The following CD200R1 variants were observed in gnomAD, a reference collection of about 807,000 sequenced individuals.
The protein encoded by CD200R1 is cell surface glycoprotein CD200 receptor 1.
Under a neutral mutation model 38.1 loss-of-function variants are expected in CD200R1, and 30 were observed. The ratio of observed to expected loss-of-function variants is 0.79; its 90% CI spans 0.59 to 1.07. CD200R1 has a LOEUF of 1.07. Among genes scored for constraint, CD200R1 ranks in the 50% least tolerant of loss-of-function variants. The probability of loss-of-function intolerance (pLI) is 0.00; values close to 1 mark genes in which losing one functional copy is unlikely to be tolerated. For synonymous variants in CD200R1, 128 were observed against 152.1 expected (o/e 0.84, Z 1.16); for missense variants, 372 against 415.4 (o/e 0.90, Z 0.91).
intron 2 of CD200R1, among the ~76,000 whole-genome samples, chr3:112,931,865 A>G (rs1940450228): frequency 6.6e-6 from 1 of 152,108 alleles, no homozygotes; most frequent in Non-Finnish European, 1.5e-5. Context: ...TCAGAAGCTC[A>G]GGAGGGAAGC....
intron 1 of CD200R1, among the ~76,000 whole-genome samples, chr3:112,965,977 C>G (rs1933151082): frequency 6.6e-6 from 1 of 152,106 alleles, no homozygotes. Context: ...ATTACAGACA[C>G]AAGAAACATT....
chr3:112,958,450 A>G (rs1296083805), intron 1 of CD200R1, among the ~76,000 whole-genome samples: 1 of 152,210 alleles, frequency 6.6e-6, no homozygotes, highest in Non-Finnish European at 1.5e-5. Context: ...CAAAGAACAG[A>G]TCAGTGATTG....
At chr3:112,935,878 A>T (rs1220648363) in intron 2 of CD200R1, among the ~76,000 whole-genome samples, 1 of 152,168 alleles carries the variant, frequency 6.6e-6, no homozygotes, top group Non-Finnish European at 1.5e-5. Flanking sequence ...GATTTGCTGC[A>T]CAGATCATTC....
At position 112,928,875 on chromosome 3, in the gene CD200R1, A is replaced by G; in HGVS notation, c.710T>C (p.Val237Ala). The change falls in exon 5 of 8, where the codon GTG becomes GCG. Residue 237 changes from valine to alanine, a missense_variant. By Grantham distance (64) the Val-to-Ala change is moderately conservative. Transcript: ENST00000308611. ...AGTCAAATGGGAGACGTGGCAGGTC[A>G]CGGTAGACACATTGTGGACCTCCCA... ...CHWEVHNVST[V>A]TCHVSHLTGN... is the part of the protein sequence containing the mutation. 6.2e-7 allele frequency: 1 copy of G among 1,613,894 alleles called. No individual in the cohort carries two copies. The highest frequency in any genetic ancestry group is 8.5e-7 in the Non-Finnish European group (1 of 1,179,972).
intron 1 of CD200R1, among the ~76,000 whole-genome samples, chr3:112,971,660 C>T (rs1933312642): frequency 6.6e-6 from 1 of 152,154 alleles, no homozygotes; most frequent in Non-Finnish European, 1.5e-5. Flanking sequence ...ATAAATTTTC[C>T]TGTTCACCAA....
rs1023764759 is a variant in CD200R1, at chr3:112,974,663, T to C, written c.67+128A>G. The C allele has an allele frequency of 4.4e-6, 3 of 685,792 alleles. No homozygotes were observed. In the Admixed American group the frequency reaches 7.0e-5, roughly 16 times the overall value. The allele number at this position is 685,792 out of a possible 1,614,324, so 42.5% of individuals were successfully genotyped here. On this transcript the variant is annotated intron_variant, in intron 1 of 7. Coordinates refer to ENST00000308611, the MANE Select transcript of CD200R1 (RefSeq NM_138806.4). ...GTAAACTAGATATGGGAGTAACCCA[T>C]ATTTAGCAACCCCCTATATTTATTA...
At chr3:112,951,648 GTTTTC>G (rs1289974079) in intron 1 of CD200R1, among the ~76,000 whole-genome samples, 2 of 151,674 alleles carry the variant, frequency 1.3e-5, no homozygotes, top group African/African-American at 2.4e-5. Context: ...GTTTGAGGAA[GTTTTC>G]TTCTCTTCCT....
chr3:112,922,480 A>G lies in CD200R1; in HGVS notation c.*1197T>C, dbSNP rs190598169. ...AAATACCCCATGTCCTCTATGGTGC[A>G]TTTTTCGCCACTTATATGGTCAATA... On this transcript the variant is annotated 3_prime_UTR_variant, in exon 8 of 8. Transcript: ENST00000308611. The G allele has an allele frequency of 2.2e-3, 331 of 151,996 alleles. No individual in the cohort carries two copies. The highest frequency in any genetic ancestry group is 7.8e-3 in the African/African-American group (324 of 41,514). 9.4% of individuals were successfully genotyped at this position (151,996 alleles called of 1,614,324 possible). A position where few individuals can be genotyped will look rare whatever the true frequency, so the allele number is the denominator to read the frequency against.
At chr3:112,938,526 G>A (rs556980478) in intron 2 of CD200R1, among the ~76,000 whole-genome samples, 26 of 151,866 alleles carry the variant, frequency 1.7e-4, no homozygotes, top group Middle Eastern at 6.8e-3. Context: ...AAAAATTCCC[G>A]GATACAGACA....
chr3:112,939,085 TA>T (rs1365455984), intron 2 of CD200R1, among the ~76,000 whole-genome samples: 2 of 151,918 alleles, frequency 1.3e-5, no homozygotes, highest in Non-Finnish European at 2.9e-5. Flanking sequence ...CCTTCATCAC[TA>T]AAAACTTTCA....
intron 1 of CD200R1, among the ~76,000 whole-genome samples, chr3:112,970,036 G>T (rs914826218): frequency 6.6e-6 from 1 of 151,926 alleles, no homozygotes; most frequent in Non-Finnish European, 1.5e-5. Context: ...AAATTAGCCT[G>T]GCGTGGTGGT....
intron 1 of CD200R1, among the ~76,000 whole-genome samples, chr3:112,956,812 T>A (rs1941109699): frequency 6.6e-6 from 1 of 152,174 alleles, no homozygotes; most frequent in Non-Finnish European, 1.5e-5. Context: ...ATTGGTTTAG[T>A]GTTGGAATGC....
At chr3:112,934,481 G>A (rs1046063171) in intron 2 of CD200R1, among the ~76,000 whole-genome samples, 1 of 152,042 alleles carries the variant, frequency 6.6e-6, no homozygotes, top group Non-Finnish European at 1.5e-5. Context: ...AATCTTGAAT[G>A]TAAATGGATT....
intron 1 of CD200R1, among the ~76,000 whole-genome samples, chr3:112,970,575 A>C (rs988077911): frequency 1.3e-5 from 2 of 152,216 alleles, no homozygotes; most frequent in East Asian, 3.8e-4. Flanking sequence ...AAGAGGTAAA[A>C]ACATGTTGAT....
intron 1 of CD200R1, among the ~76,000 whole-genome samples, chr3:112,955,201 G>C (rs981761028): frequency 6.6e-6 from 1 of 152,192 alleles, no homozygotes; most frequent in African/African-American, 2.4e-5. Context: ...AGAAAAACGT[G>C]AATTCTGTAG....
At chr3:112,962,886 G>A (rs956095365) in intron 1 of CD200R1, among the ~76,000 whole-genome samples, 1 of 152,202 alleles carries the variant, frequency 6.6e-6, no homozygotes, top group Non-Finnish European at 1.5e-5. Flanking sequence ...AAAGCCAAGT[G>A]ATATGGTTTG....
chr3:112,950,259 G>A (rs553960121), intron 1 of CD200R1, among the ~76,000 whole-genome samples: 52 of 152,024 alleles, frequency 3.4e-4, no homozygotes, highest in African/African-American at 1.1e-3. Flanking sequence ...AAAATTAGCC[G>A]GATGTGGTGG....
chr3:112,952,866 C>G (rs1055734233), intron 1 of CD200R1, among the ~76,000 whole-genome samples: 1 of 152,088 alleles, frequency 6.6e-6, no homozygotes, highest in Non-Finnish European at 1.5e-5. Context: ...TGTCTGCAAA[C>G]AGGAACAATT....
chr3:112,957,978 AC>A (rs1279933625), intron 1 of CD200R1, among the ~76,000 whole-genome samples: 3 of 152,192 alleles, frequency 2.0e-5, no homozygotes, highest in Non-Finnish European at 2.9e-5. Flanking sequence ...AATTAAAAAG[AC>A]CAATAATAAA....
Sources: gnomAD v4.1 joint callset for allele counts (sites outside exome capture counted in the v4.1 genomes callset) on GRCh38, gnomAD v4.1.1 for gene constraint, MANE v1.5 for transcripts, NCBI Gene and HGNC (gene_info 2026-07-23, HGNC 2026-07-21) for gene names.